Variants in ARL8B observed in about 807,000 individuals in gnomAD.
The protein encoded by ARL8B is ADP-ribosylation factor-like protein 8B.
Under a neutral mutation model 30.6 loss-of-function variants are expected in ARL8B, and 9 were observed. That is an observed-to-expected ratio of 0.29 (90% CI 0.18 to 0.51). The LOEUF (loss-of-function observed/expected upper bound fraction) is 0.51. Ranked by LOEUF, ARL8B falls within the 20% of genes least tolerant of loss-of-function variation. The probability of loss-of-function intolerance (pLI) is 0.97; values close to 1 mark genes in which losing one functional copy is unlikely to be tolerated. For missense variants in ARL8B, 130 were observed against 227.2 expected (o/e 0.57, Z 2.75); for synonymous variants, 74 against 76.0 (o/e 0.97, Z 0.14).
At chr3:5,156,842 C>T (rs2054537700) in intron 1 of ARL8B, 1 of 152,302 alleles carries the variant, frequency 6.6e-6, no homozygotes, top group Non-Finnish European at 1.5e-5. Context: ...CTGTCCCTGC[C>T]TCCCCGCCCC....
At chr3:5,157,728 C>T (rs2054545188) in intron 1 of ARL8B, 1 of 152,182 alleles carries the variant, frequency 6.6e-6, no homozygotes, top group African/African-American at 2.4e-5. Context: ...CCTCACACTC[C>T]CAACCTTATC....
At chr3:5,124,892 A>G (rs2054216551) in intron 1 of ARL8B, among the ~76,000 whole-genome samples, 1 of 152,212 alleles carries the variant, frequency 6.6e-6, no homozygotes, top group East Asian at 1.9e-4. Context: ...CTCTTTGACA[A>G]CATGGAATTA....
At chr3:5,159,716 C>G (rs577895402) in intron 1 of ARL8B, among the ~76,000 whole-genome samples, 15 of 149,958 alleles carry the variant, frequency 1.0e-4, no homozygotes, top group Non-Finnish European at 1.9e-4. Context: ...TTTTTAAGTT[C>G]AGTAATAGAA....
At position 5,158,787 on chromosome 3, in the gene ARL8B, A is replaced by C. The variant is rs557679804; in HGVS notation, c.124-11716A>C. On this transcript the variant is annotated intron_variant, in intron 1 of 6. Coordinates refer to ENST00000256496, the MANE Select transcript of ARL8B (RefSeq NM_018184.3). ...GACTACTGTTTTAGTAGGCTTTATA[A>C]ATGACATTTAAAATTTCATTTTATT... Among the ~76,000 whole-genome samples the C allele has an allele frequency of 1.8e-4, 28 of 151,760 alleles. 1 individual carries two copies. The highest frequency in any genetic ancestry group is 8.8e-5 in the Non-Finnish European group (6 of 68,036).
At position 5,174,104 on chromosome 3, in the gene ARL8B, T is replaced by G. The variant is rs781444170; in HGVS notation, c.440+20T>G. 9 of 1,575,326 alleles carry G rather than the reference T, an allele frequency of 5.7e-6. No individual in the cohort carries two copies. In the East Asian group the frequency reaches 6.7e-5, roughly 12 times the overall value. On this transcript the variant is annotated intron_variant, in intron 5 of 6. Coordinates refer to ENST00000256496, the MANE Select transcript of ARL8B (RefSeq NM_018184.3). ...AAAAATGTATGTCTTGAATATGCTA[T>G]TTTAATAATTTGCTTCTAAATTACC...
chr3:5,143,102 T>A (rs979025983), intron 1 of ARL8B, among the ~76,000 whole-genome samples: 75 of 152,242 alleles, frequency 4.9e-4, no homozygotes, highest in African/African-American at 1.7e-3. Flanking sequence ...GAACTATCTC[T>A]GAGTTTCAAA....
At chr3:5,128,687 T>A (rs2054253967) in intron 1 of ARL8B, 3 of 239,846 alleles carry the variant, frequency 1.3e-5, no homozygotes, top group Middle Eastern at 1.7e-3. Context: ...TTTTTTGTGT[T>A]ATCAAAACAA....
chr3:5,150,214 G>GC (rs2054467619), intron 1 of ARL8B, among the ~76,000 whole-genome samples: 1 of 152,270 alleles, frequency 6.6e-6, no homozygotes, highest in African/African-American at 2.4e-5. Flanking sequence ...TGTAATCCCA[G>GC]CACTTCGGGA....
At chr3:5,169,388 ATTTCT>A (rs1365992569) in intron 1 of ARL8B, among the ~76,000 whole-genome samples, 3 of 149,510 alleles carry the variant, frequency 2.0e-5, no homozygotes, top group Non-Finnish European at 4.4e-5. Flanking sequence ...AAATGTCTTC[ATTTCT>A]TTTGAGTGTA....
intron 1 of ARL8B, among the ~76,000 whole-genome samples, chr3:5,127,925 T>C (rs1417867522): frequency 5.5e-5 from 8 of 145,010 alleles, no homozygotes; most frequent in East Asian, 2.0e-4. Context: ...CGCAATGGCT[T>C]ACGCCTGTAA....
At chr3:5,178,324 G>A (rs532798341) in intron 6 of ARL8B, among the ~76,000 whole-genome samples, 18 of 148,636 alleles carry the variant, frequency 1.2e-4, no homozygotes, top group Admixed American at 1.1e-3. Context: ...ACTTAAAAGC[G>A]CCTTGAGGGC....
chr3:5,155,853 TGTTG>T (rs746856319), intron 1 of ARL8B, among the ~76,000 whole-genome samples: 3 of 148,664 alleles, frequency 2.0e-5, no homozygotes, highest in Admixed American at 1.3e-4. Context: ...GTTTTTTTTT[TGTTG>T]TTGTTGTTCT....
chr3:5,174,652 A>G (rs2054709579), intron 6 of ARL8B, among the ~76,000 whole-genome samples: 1 of 145,544 alleles, frequency 6.9e-6, no homozygotes, highest in Non-Finnish European at 1.5e-5. Flanking sequence ...TCATACAAAT[A>G]TATATATAAT....
intron 1 of ARL8B, among the ~76,000 whole-genome samples, chr3:5,164,368 GATATA>G (rs2054606913): frequency 6.6e-6 from 1 of 152,106 alleles, no homozygotes; most frequent in African/African-American, 2.4e-5. Context: ...AGATGCACTT[GATATA>G]ATAAAGAATG....
At position 5,155,020 on chromosome 3, in the gene ARL8B, CTCCTGGGCTTGGCCCAAGTTACTA is replaced by C. The variant is rs1333669510; in HGVS notation, c.124-15478_124-15455del. On this transcript the variant is annotated intron_variant, in intron 1 of 6. Transcript: ENST00000256496. ...AAAGTGCTGGGATTACAGGCCTGAGCTCCTGGGCTTGGCCCAAGTTACTATCCTTTCATTTCAACCTGCAGAATT... is the reference window on the plus strand; with the variant it reads ...AAAGTGCTGGGATTACAGGCCTGAGCTCCTTTCATTTCAACCTGCAGAATT... 2.0e-5 allele frequency among the ~76,000 whole-genome samples: 3 copies of C among 152,242 alleles called. No homozygotes were observed. The East Asian group carries it at 5.8e-4, about 29-fold the overall frequency.
At chr3:5,155,621 A>G (rs903234182) in intron 1 of ARL8B, among the ~76,000 whole-genome samples, 1 of 151,778 alleles carries the variant, frequency 6.6e-6, no homozygotes, top group Non-Finnish European at 1.5e-5. Flanking sequence ...CTCAGACTGA[A>G]TAATTAATTC....
chr3:5,167,466 T>C (rs965406481), intron 1 of ARL8B, among the ~76,000 whole-genome samples: 1 of 152,220 alleles, frequency 6.6e-6, no homozygotes, highest in Non-Finnish European at 1.5e-5. Context: ...GGTTAGGTTC[T>C]ATCTGTGATG....
intron 1 of ARL8B, chr3:5,157,875 C>T (rs1270045411): frequency 6.6e-6 from 1 of 152,110 alleles, no homozygotes; most frequent in African/African-American, 2.4e-5. Flanking sequence ...AGAAAACAAG[C>T]AAAAGTAAGA....
intron 1 of ARL8B, among the ~76,000 whole-genome samples, chr3:5,126,328 A>G (rs1219479260): frequency 8.5e-5 from 13 of 152,308 alleles, no homozygotes. Flanking sequence ...TTATAGAATC[A>G]GAAATACAGA....
Sources: allele counts gnomAD v4.1 joint callset (sites outside exome capture counted in the v4.1 genomes callset), GRCh38; gene constraint gnomAD v4.1.1; transcripts MANE v1.5; gene names NCBI Gene and HGNC (gene_info 2026-07-23, HGNC 2026-07-21).